GLI1: variants seen among roughly 807,000 people sequenced by gnomAD.
GLI1 encodes the protein transcription activator GLI1.
In GLI1, 51 loss-of-function variants were observed where a neutral mutation model predicts 87.8. That is an observed-to-expected ratio of 0.58 (90% confidence interval 0.46 to 0.73). The LOEUF is 0.73. Ranked by LOEUF, GLI1 falls within the 30% of genes least tolerant of loss-of-function variation. The pLI is 0.00. For synonymous variants in GLI1, 528 were observed against 558.2 expected, an observed-to-expected ratio of 0.95 and a Z score of 0.76; for missense variants, 1,292 against 1,437.2, an observed-to-expected ratio of 0.90 and a Z score of 1.63.
At chr12:57,468,823 C>T (rs113160896) in intron 10 of GLI1, among the ~76,000 whole-genome samples, 3,347 of 152,040 alleles carry the variant, frequency 0.022, 111 homozygotes, top group African/African-American at 0.076. Flanking sequence ...GGCATGATCT[C>T]GGCTCACTGC....
At chr12:57,468,413 ACT>A (rs1157013358) in intron 10 of GLI1, among the ~76,000 whole-genome samples, 189 bp downstream of exon 10, 1 of 150,292 alleles carries the variant, frequency 6.7e-6, no homozygotes, top group East Asian at 2.0e-4. Flanking sequence ...TTTCTGTCTC[ACT>A]CTCTCACTCT....
intron 11 of GLI1, 137 bp from the exon 12 acceptor site, chr12:57,470,180 A>G (rs1871772087): frequency 1.5e-6 from 1 of 686,402 alleles, no homozygotes; most frequent in Non-Finnish European, 2.5e-6. Context: ...GCATGGGAGA[A>G]GTAGGAGACA....
In GLI1 at chr12:57,471,025, G is replaced by A. The variant is rs759160451; in HGVS notation, c.2285G>A (p.Gly762Asp). Residue 762 changes from glycine (G) to aspartate (D), a missense_variant, in exon 12 of 12, where the codon GGC becomes GAC. Physicochemically the swap from Gly to Asp is moderately conservative, Grantham distance 94. Coordinates refer to ENST00000228682, the MANE Select transcript of GLI1 (RefSeq NM_005269.3). The surrounding 1 kb of genome is among the most constrained non-coding windows in gnomAD (Gnocchi z 4.9). ...GGGCCTGGTCCACCCACCAACTATGGCCCCAACCCCTGTCCCCAGCAGGCC... is the reference window on the plus strand; with the variant it reads ...GGGCCTGGTCCACCCACCAACTATGACCCCAACCCCTGTCCCCAGCAGGCC... ...PLGPGPPTNY[G>D]PNPCPQQASY... The A allele has an allele frequency of 2.5e-6, 4 of 1,610,290 alleles. No individual in the cohort carries two copies. The Admixed American group carries it at 5.0e-5, about 20-fold the overall frequency.
rs371273350 is a variant in GLI1 at position 57,464,815 on chromosome 12, G to A, written c.336G>A (p.Ser112=). Residue 112 remains serine, a synonymous_variant, in exon 4 of 12, where the codon TCG becomes TCA. Coordinates refer to ENST00000228682, the MANE Select transcript of GLI1 (RefSeq NM_005269.3). ...GCTCCCTCGTAGCTTTCATCAACTCGCGATGCACATCTCCAGGAGGCTCCT... is the reference window on the plus strand; with the variant it reads ...GCTCCCTCGTAGCTTTCATCAACTCACGATGCACATCTCCAGGAGGCTCCT... ...SPSSLVAFIN[S]RCTSPGGSYG... 1.9e-5 allele frequency: 31 copies of A among 1,613,890 alleles called. No individual in the cohort carries two copies. Among genetic ancestry groups the A allele is most frequent in the East Asian group, 8.9e-5 (4 of 44,886 alleles).
rs756597374 is a variant in GLI1 at position 57,463,688 on chromosome 12, C to T, written c.-4C>T. 3.0e-5 allele frequency: 47 copies of T among 1,592,334 alleles called. No homozygotes were observed. The Admixed American group carries it at 5.0e-4, about 17-fold the overall frequency. On this transcript the variant is annotated 5_prime_UTR_variant, in exon 2 of 12. In the 5' UTR this introduces an upstream ATG that the reference lacks. Transcript: ENST00000228682. Reference sequence around the variant, plus strand: ...AGTGTCCCCACACCCTCCTCTGAGACGCCATGTTCAACTCGATGACCCCAC... The same window carrying T: ...AGTGTCCCCACACCCTCCTCTGAGATGCCATGTTCAACTCGATGACCCCAC...
At chr12:57,460,481 A>G (rs913402311) in intron 1 of GLI1, 4 of 152,258 alleles carry the variant, frequency 2.6e-5, no homozygotes, top group Non-Finnish European at 5.9e-5. Flanking sequence ...GAAATATCTT[A>G]CTTTCATGCG....
rs1253464978 is a variant in GLI1, at chr12:57,464,247, G to T, written c.193+156G>T. ...AGAAGTCACAGATGGGGCCGGGCGCGGTGGCTCACGCCTGTAATCCCAGCA... is the reference window on the plus strand; with the variant it reads ...AGAAGTCACAGATGGGGCCGGGCGCTGTGGCTCACGCCTGTAATCCCAGCA... On this transcript the variant is annotated intron_variant, in intron 3 of 11. Coordinates refer to ENST00000228682, the MANE Select transcript of GLI1 (RefSeq NM_005269.3). Among the ~76,000 whole-genome samples, 3 of 152,272 alleles carry T rather than the reference G, an allele frequency of 2.0e-5. No homozygotes were observed. In the South Asian group the frequency reaches 6.2e-4, roughly 32 times the overall value.
At chr12:57,466,217 A>C (rs776853954) in intron 7 of GLI1, 23 bp from the exon 8 acceptor site, 2 of 1,603,046 alleles carry the variant, frequency 1.2e-6, no homozygotes, top group Non-Finnish European at 1.7e-6. Context: ...AGCCTTGGAG[A>C]GCCTTTGTAT....
chr12:57,464,666 G>T lies in GLI1; in HGVS notation c.194-7G>T, dbSNP rs1274320383. The stretch of plus-strand genomic sequence containing the variant: ...ACCATATCCGTCTCCGCTGTCTCCT[G>T]CCCCAGGCCCACTCTTTTCTTCTCC... On this transcript the variant is annotated splice_region_variant and splice_polypyrimidine_tract_variant and intron_variant, in intron 3 of 11. Transcript: ENST00000228682. 3 of 1,611,648 alleles carry T rather than the reference G, an allele frequency of 1.9e-6. No homozygotes were observed. Among genetic ancestry groups the T allele is most frequent in the Non-Finnish European group, 2.5e-6 (3 of 1,178,102 alleles).
At position 57,470,638 on chromosome 12, in the gene GLI1, C is replaced by T. The variant is rs555698950; in HGVS notation, c.1898C>T (p.Ala633Val). Residue 633 changes from alanine to valine, a missense_variant, in exon 12 of 12, where the codon GCA (alanine) becomes GTA (valine). By Grantham distance (64) the Ala-to-Val change is moderately conservative. Coordinates refer to ENST00000228682, the MANE Select transcript of GLI1 (RefSeq NM_005269.3). Reference sequence around the variant, plus strand: ...GAGTATCCAGGATACAACCCCAATGCAGGGGTCACCCGGAGGGCCAGTGAC... The same window carrying T: ...GAGTATCCAGGATACAACCCCAATGTAGGGGTCACCCGGAGGGCCAGTGAC... ...RAEYPGYNPN[A>V]GVTRRASDPA... 2.5e-6 allele frequency: 4 copies of T among 1,613,700 alleles called. No homozygotes were observed. Among genetic ancestry groups the T allele is most frequent in the East Asian group, 2.2e-5 (1 of 44,882 alleles).
chr12:57,470,751 G>T lies in GLI1; in HGVS notation c.2011G>T (p.Gly671Trp). 1.2e-6 allele frequency: 2 copies of T among 1,613,286 alleles called. No individual in the cohort carries two copies. Among genetic ancestry groups the T allele is most frequent in the Non-Finnish European group, 1.7e-6 (2 of 1,179,710 alleles). Residue 671 changes from glycine (G) to tryptophan (W), a missense_variant, in exon 12 of 12, where the codon GGG becomes TGG. By Grantham distance (184) the Gly-to-Trp change is radical. This residue lies in a region of GLI1 where 897 missense variants were observed against 1,040.7 expected (regional missense o/e 0.86). Transcript: ENST00000228682. ...TGTCCATACCCCACCCACTGTGGCAGGGGGAGGACAGAACTTTGATCCTTA... is the reference window on the plus strand; with the variant it reads ...TGTCCATACCCCACCCACTGTGGCATGGGGAGGACAGAACTTTGATCCTTA... ...GCVHTPPTVAGGGQNFDPYLP... is the reference protein window; with the variant it reads ...GCVHTPPTVAWGGQNFDPYLP...
intron 11 of GLI1, 134 bp downstream of exon 11, chr12:57,469,832 A>T: frequency 1.3e-6 from 1 of 781,544 alleles, no homozygotes; most frequent in East Asian, 2.7e-5. Flanking sequence ...TCCTCAAGAC[A>T]CTTTCCATTT....
chr12:57,471,610 C>G lies in GLI1; in HGVS notation c.2870C>G (p.Pro957Arg). ...GGACCTGGCTTTGGACCCAACTTGC[C>G]CAATCACAAGTCAGGTTCCTATCCC... ...TYGPGFGPNL[P>R]NHKSGSYPTP... The change falls in exon 12 of 12, where the codon CCC (proline) becomes CGC (arginine). Residue 957 changes from proline (P) to arginine (R), a missense_variant. This residue lies in a region of GLI1 where 897 missense variants were observed against 1,040.7 expected (regional missense o/e 0.86). Coordinates refer to ENST00000228682, the MANE Select transcript of GLI1 (RefSeq NM_005269.3). The surrounding 1 kb of genome is among the most constrained non-coding windows in gnomAD (Gnocchi z 4.9). 1 of 1,613,868 alleles carries G rather than the reference C, an allele frequency of 6.2e-7. No individual in the cohort carries two copies. The highest frequency in any genetic ancestry group is 8.5e-7 in the Non-Finnish European group (1 of 1,179,864).
chr12:57,465,299 T>G, intron 5 of GLI1, 44 bp downstream of exon 5: 2 of 1,427,712 alleles, frequency 1.4e-6, no homozygotes, highest in Non-Finnish European at 1.9e-6. Context: ...CAGCTCAGGG[T>G]GGGTGGGTGG....
chr12:57,466,003 G>A (rs1871457510), intron 7 of GLI1, 78 bp downstream of exon 7: 13 of 1,376,438 alleles, frequency 9.4e-6, no homozygotes, highest in Non-Finnish European at 1.2e-5. Context: ...GAATCCGGCT[G>A]AGGGCAGGAG....
chr12:57,465,127 C>G lies in GLI1; in HGVS notation c.406C>G (p.Pro136Ala), dbSNP rs368173104. Reference sequence around the variant, plus strand: ...CCTCCTCAGCCCATCTCTGGGATTCCCAGCCCAGATGAATCACCAAAAAGG... The same window carrying G: ...CCTCCTCAGCCCATCTCTGGGATTCGCAGCCCAGATGAATCACCAAAAAGG... ...IGTMSPSLGFPAQMNHQKGPS... is the reference protein window; with the variant it reads ...IGTMSPSLGFAAQMNHQKGPS... The change falls in exon 5 of 12, where the codon CCA becomes GCA. Residue 136 changes from proline (P) to alanine (A), a missense_variant. Pro to Ala is a conservative substitution (Grantham distance 27). Around this residue, in one of 3 missense-constraint regions of GLI1, gnomAD observed 383 missense variants for 368.4 expected, o/e 1.04. Coordinates refer to ENST00000228682, the MANE Select transcript of GLI1 (RefSeq NM_005269.3). 2 of 1,614,044 alleles carry G rather than the reference C, an allele frequency of 1.2e-6. No homozygotes were observed. Among genetic ancestry groups the G allele is most frequent in the Non-Finnish European group, 1.7e-6 (2 of 1,179,884 alleles).
chr12:57,464,710 G>C lies in GLI1; in HGVS notation c.231G>C (p.Leu77Phe). The C allele has an allele frequency of 6.2e-7, 1 of 1,614,074 alleles. No homozygotes were observed. The highest frequency in any genetic ancestry group is 8.5e-7 in the Non-Finnish European group (1 of 1,180,000). Reference protein sequence around the residue: ...LFSSPRSAVKLTKKRALSISP... With the variant: ...LFSSPRSAVKFTKKRALSISP... ...CTTCTCCCCGGAGTGCAGTCAAGTT[G>C]ACCAAGAAGCGGGCACTGTCCATCT... is the stretch of plus-strand genomic sequence containing the variant. The change falls in exon 4 of 12, where the codon TTG (leucine) becomes TTC (phenylalanine). Residue 77 changes from leucine (L) to phenylalanine (F), a missense_variant. Around this residue, in one of 3 missense-constraint regions of GLI1, gnomAD observed 383 missense variants for 368.4 expected, o/e 1.04. Coordinates refer to ENST00000228682, the MANE Select transcript of GLI1 (RefSeq NM_005269.3).
chr12:57,471,136 C>G lies in GLI1; in HGVS notation c.2396C>G (p.Thr799Ser), dbSNP rs1478005717. 6.2e-7 allele frequency: 1 copy of G among 1,612,986 alleles called. No homozygotes were observed. Residue 799 changes from threonine (T) to serine (S), a missense_variant, in exon 12 of 12, where the codon ACC becomes AGC. Physicochemically the swap from Thr to Ser is moderately conservative, Grantham distance 58. This residue lies in a region of GLI1 where 897 missense variants were observed against 1,040.7 expected (regional missense o/e 0.86). Transcript: ENST00000228682. The surrounding 1 kb of genome is among the most constrained non-coding windows in gnomAD (Gnocchi z 4.9). ...CCAGGCCCCAAGGCTCTAGGTGGAA[C>G]CTACAGCCAGTGTCCTCGACTTGAA... ...LYPGPKALGG[T>S]YSQCPRLEHY...
intron 9 of GLI1, among the ~76,000 whole-genome samples, 198 bp downstream of exon 9, chr12:57,467,695 G>A (rs1197231140): frequency 6.6e-6 from 1 of 152,026 alleles, no homozygotes; most frequent in Non-Finnish European, 1.5e-5. Context: ...CCTCTAACCA[G>A]CCAAAAGGCT....
Sources: allele counts gnomAD v4.1 joint callset (sites outside exome capture counted in the v4.1 genomes callset), GRCh38; gene constraint gnomAD v4.1.1; regional missense constraint gnomAD v4.1.1; non-coding constraint Gnocchi (gnomAD v3.1); transcripts MANE v1.5; gene names NCBI Gene and HGNC (gene_info 2026-07-23, HGNC 2026-07-21).